The following PTPRM variants were observed in gnomAD, a reference collection of about 807,000 sequenced individuals.
The protein encoded by PTPRM is receptor-type tyrosine-protein phosphatase mu.
PTPRM carries 47 observed loss-of-function variants against 186.7 expected under a neutral mutation model. That is an observed-to-expected ratio of 0.25 (90% CI 0.20 to 0.32). The LOEUF is 0.32. Among genes scored for constraint, PTPRM ranks in the 10% least tolerant of loss-of-function variants. The probability of loss-of-function intolerance (pLI) is 1.00; values close to 1 mark genes in which losing one functional copy is unlikely to be tolerated. For synonymous variants in PTPRM, 668 were observed against 674.9 expected, an observed-to-expected ratio of 0.99 and a Z score of 0.16; for missense variants, 1,494 against 1,865.0, an observed-to-expected ratio of 0.80 and a Z score of 3.66.
chr18:7,928,473 A>C (rs537867267), intron 5 of PTPRM, among the ~76,000 whole-genome samples: 1 of 152,330 alleles, frequency 6.6e-6, no homozygotes, highest in South Asian at 2.1e-4. Flanking sequence ...TTTGGTATTA[A>C]ACACAATCAA....
At chr18:7,636,829 T>G (rs1598591150) in intron 1 of PTPRM, among the ~76,000 whole-genome samples, 1 of 152,188 alleles carries the variant, frequency 6.6e-6, no homozygotes, top group African/African-American at 2.4e-5. Context: ...ACAGGCATAG[T>G]AATTGGTAAC....
At chr18:8,302,604 T>C (rs896431827) in intron 20 of PTPRM, among the ~76,000 whole-genome samples, 1 of 152,036 alleles carries the variant, frequency 6.6e-6, no homozygotes, top group Non-Finnish European at 1.5e-5. Context: ...TGTGACACGA[T>C]GATGATGTTG....
intron 1 of PTPRM, among the ~76,000 whole-genome samples, chr18:7,769,361 T>C (rs1016041149): frequency 4.6e-5 from 7 of 152,186 alleles, no homozygotes; most frequent in African/African-American, 1.7e-4. Context: ...ATCTGTAAAA[T>C]GAGGATCATA....
At chr18:7,573,836 C>T (rs936990503) in intron 1 of PTPRM, among the ~76,000 whole-genome samples, 1 of 152,158 alleles carries the variant, frequency 6.6e-6, no homozygotes, top group Non-Finnish European at 1.5e-5. Context: ...GGTGATCCTC[C>T]TGCTTCCACC....
intron 7 of PTPRM, among the ~76,000 whole-genome samples, chr18:7,988,222 CAAAA>C (rs200090021): frequency 6.8e-6 from 1 of 147,894 alleles, no homozygotes; most frequent in African/African-American, 2.5e-5. Flanking sequence ...GACCTTATCT[CAAAA>C]AAAAACCAAA....
intron 2 of PTPRM, among the ~76,000 whole-genome samples, chr18:7,872,281 C>G (rs1417449114): frequency 6.6e-6 from 1 of 152,194 alleles, no homozygotes; most frequent in Non-Finnish European, 1.5e-5. Flanking sequence ...GACAAACAAT[C>G]CTTTGATTGT....
chr18:7,714,365 G>A (rs1270433669), intron 1 of PTPRM, among the ~76,000 whole-genome samples: 1 of 152,162 alleles, frequency 6.6e-6, no homozygotes, highest in African/African-American at 2.4e-5. Context: ...CACAGCTAAA[G>A]CAGTGTTTAG....
intron 14 of PTPRM, among the ~76,000 whole-genome samples, chr18:8,233,756 C>T (rs976971143): frequency 1.2e-4 from 19 of 152,038 alleles, no homozygotes; most frequent in Admixed American, 1.1e-3. Context: ...CCTATGTTAT[C>T]TTCTAGGAGT....
At chr18:8,151,493 C>A (rs1193371781) in intron 14 of PTPRM, among the ~76,000 whole-genome samples, 2 of 142,848 alleles carry the variant, frequency 1.4e-5, no homozygotes, top group African/African-American at 5.2e-5. Context: ...CGCCCCCCAC[C>A]AAGCTGGGGC....
rs373451062 is a variant in PTPRM, at chr18:8,314,546, C to T, written c.2843-235C>T. ...CAAACCTTTGTCAATGCTTTAGGCC[C>T]GTCAATGATCAAAGAATAAGTTAAT... On this transcript the variant is annotated intron_variant, in intron 20 of 32. Transcript: ENST00000580170. Among the ~76,000 whole-genome samples, 168 of 152,178 alleles carry T rather than the reference C, an allele frequency of 1.1e-3. 2 individuals are homozygous for T. In the South Asian group the frequency reaches 0.027, roughly 25 times the overall value.
intron 7 of PTPRM, among the ~76,000 whole-genome samples, chr18:8,052,073 T>G (rs1036504654): frequency 1.3e-5 from 2 of 152,188 alleles, no homozygotes; most frequent in Non-Finnish European, 2.9e-5. Flanking sequence ...AGATTCAGCT[T>G]CAGGAGGTCA....
intron 7 of PTPRM, among the ~76,000 whole-genome samples, chr18:8,005,763 T>G (rs2084146396): frequency 6.6e-6 from 1 of 152,156 alleles, no homozygotes; most frequent in South Asian, 2.1e-4. Flanking sequence ...CAAAGGTCAT[T>G]TTATTACTAT....
intron 13 of PTPRM, among the ~76,000 whole-genome samples, chr18:8,132,423 T>G (rs1402540052): frequency 5.9e-5 from 9 of 152,210 alleles, no homozygotes. Flanking sequence ...TCTGCCTTAC[T>G]TCTATGAGTA....
chr18:8,194,714 C>G (rs1369558234), intron 14 of PTPRM, among the ~76,000 whole-genome samples: 2 of 152,222 alleles, frequency 1.3e-5, no homozygotes, highest in African/African-American at 2.4e-5. Flanking sequence ...CCTGTCTGTT[C>G]AAAGGAAATG....
chr18:7,874,643 T>C (rs1414824371), intron 2 of PTPRM, among the ~76,000 whole-genome samples: 1 of 152,122 alleles, frequency 6.6e-6, no homozygotes, highest in Non-Finnish European at 1.5e-5. Flanking sequence ...TAAGTTATAC[T>C]GGGTTCTGAA....
intron 2 of PTPRM, among the ~76,000 whole-genome samples, chr18:7,853,783 T>C (rs16952586): frequency 0.029 from 4,409 of 152,292 alleles, 211 homozygotes; most frequent in African/African-American, 0.1. Context: ...TTGGAACTGC[T>C]GTTGTCCACC....
intron 13 of PTPRM, among the ~76,000 whole-genome samples, chr18:8,122,657 AT>A (rs2092217801): frequency 6.6e-6 from 1 of 152,224 alleles, no homozygotes; most frequent in African/African-American, 2.4e-5. Context: ...ATAAAGATAT[AT>A]TCCTAGTTTT....
intron 1 of PTPRM, among the ~76,000 whole-genome samples, chr18:7,616,905 C>T (rs1300537185): frequency 2.0e-5 from 3 of 152,110 alleles, no homozygotes; most frequent in African/African-American, 7.2e-5. Flanking sequence ...GATGTGCTTC[C>T]TTAGTGCTTC....
Position 8,379,246 on chromosome 18 carries a change from G to A in PTPRM, c.3692G>A (p.Arg1231Gln), listed in dbSNP as rs548848110. Residue 1231 changes from arginine (R) to glutamine (Q), a missense_variant, in exon 28 of 33, where the codon CGG becomes CAG. By Grantham distance (43) the Arg-to-Gln change is conservative (BLOSUM62 1). This residue lies in a region of PTPRM where 1,107 missense variants were observed against 1,350.2 expected (regional missense o/e 0.82). Transcript: ENST00000580170. ...TTGCCCCGGAACCATGAGAAAAACC[G>A]GTGCATGGACATCCTGCCCCCAGAC... The part of the protein sequence containing the change: ...ALLPRNHEKN[R>Q]CMDILPPDRC... 17 of 1,613,976 alleles carry A rather than the reference G, an allele frequency of 1.1e-5. No homozygotes were observed. The highest frequency in any genetic ancestry group is 1.7e-4 in the Middle Eastern group (1 of 6,060).
Sources: allele counts gnomAD v4.1 joint callset (sites outside exome capture counted in the v4.1 genomes callset), GRCh38; gene constraint gnomAD v4.1.1; regional missense constraint gnomAD v4.1.1; transcripts MANE v1.5; gene names NCBI Gene and HGNC (gene_info 2026-07-23, HGNC 2026-07-21).